Variants in NTN1 observed in about 807,000 individuals in gnomAD.
NTN1 encodes netrin-1.
NTN1 carries 11 observed loss-of-function variants against 54.2 expected under a neutral mutation model. The observed-to-expected ratio is 0.20, with a 90% confidence interval of 0.13 to 0.34. The LOEUF is 0.34. NTN1 is among the 10% of genes least tolerant of loss of function. The pLI is 1.00. For synonymous variants in NTN1, 371 were observed against 382.0 expected, an observed-to-expected ratio of 0.97 and a Z score of 0.33; for missense variants, 740 against 893.1, an observed-to-expected ratio of 0.83 and a Z score of 2.18.
upstream of NTN1, among the ~76,000 whole-genome samples, chr17:9,017,681 C>T (rs1173499289): frequency 3.3e-5 from 5 of 152,216 alleles, no homozygotes; most frequent in Non-Finnish European, 7.3e-5. Context: ...GCTTTCTCAC[C>T]CAAAATCTGC....
rs374339498 is a variant in NTN1, at chr17:9,201,442, A to G, written c.1411+18473A>G. 6.6e-5 allele frequency among the ~76,000 whole-genome samples: 10 copies of G among 152,338 alleles called. No individual in the cohort carries two copies. In the South Asian group the frequency reaches 2.1e-3, roughly 32 times the overall value. ...ACCATAAGGCCTGATTTCCAAGGGA[A>G]GAGGAACATGAGACCAGAGGGCTCT... On this transcript the variant is annotated intron_variant, in intron 5 of 6. Transcript: ENST00000173229.
At position 9,135,999 on chromosome 17, in the gene NTN1, C is replaced by T. The variant is rs542706726; in HGVS notation, c.1019-26814C>T. Among the ~76,000 whole-genome samples, 3 of 152,214 alleles carry T rather than the reference C, an allele frequency of 2.0e-5. No individual in the cohort carries two copies. In the East Asian group the frequency reaches 5.8e-4, roughly 29 times the overall value. On this transcript the variant is annotated intron_variant, in intron 2 of 6. Transcript: ENST00000173229. This position sits in a 1 kb window ranked among gnomAD's most constrained non-coding sequence, Gnocchi z 4.4. ...AAACTCGACACCCATCCTCCTCACT[C>T]CCGCCTGGGAAGCTCTAAGCCCATT... is the stretch of plus-strand genomic sequence containing the variant.
At chr17:9,198,631 A>G (rs981430292) in intron 5 of NTN1, among the ~76,000 whole-genome samples, 1 of 152,178 alleles carries the variant, frequency 6.6e-6, no homozygotes, top group East Asian at 1.9e-4. Flanking sequence ...CTGAGGTCCC[A>G]TGTCCTCCCT....
chr17:9,022,544 TGCG>T lies in NTN1; in HGVS notation c.174_176del (p.Ala59del). ...GCCGCTGCATCCCGGACTTTGTCAA[TGCG>T]GCCTTCGGCAAGGACGTGCGCGTGT... On this transcript the variant is annotated inframe_deletion, in exon 2 of 7. Coordinates refer to ENST00000173229, the MANE Select transcript of NTN1 (RefSeq NM_004822.3). 6.4e-7 allele frequency: 1 copy of T among 1,551,064 alleles called. No homozygotes were observed. Among genetic ancestry groups the T allele is most frequent in the Non-Finnish European group, 8.7e-7 (1 of 1,150,520 alleles).
intron 2 of NTN1, among the ~76,000 whole-genome samples, chr17:9,130,006 T>C (rs2092259469): frequency 6.6e-6 from 1 of 152,174 alleles, no homozygotes; most frequent in Admixed American, 6.5e-5. Flanking sequence ...GAGTGGCTTC[T>C]TGTTGGCATG....
upstream of NTN1, among the ~76,000 whole-genome samples, chr17:9,017,624 G>C (rs1015206049): frequency 1.3e-5 from 2 of 152,226 alleles, no homozygotes; most frequent in Admixed American, 6.5e-5. Flanking sequence ...GCCAGGAACG[G>C]TGTTTCCGCC....
chr17:9,162,306 C>T (rs1251631819), intron 2 of NTN1, among the ~76,000 whole-genome samples: 1 of 152,216 alleles, frequency 6.6e-6, no homozygotes, highest in Non-Finnish European at 1.5e-5. Flanking sequence ...TAGACGTTTA[C>T]TTCTCACAGT....
At chr17:9,231,403 C>T (rs997516548) in intron 6 of NTN1, among the ~76,000 whole-genome samples, 2 of 152,242 alleles carry the variant, frequency 1.3e-5, no homozygotes, top group African/African-American at 4.8e-5. Flanking sequence ...TCTGCCCCCA[C>T]CCTGCTGTGG....
At position 9,239,711 on chromosome 17, in the gene NTN1, G is replaced by A. The variant is rs201393437; in HGVS notation, c.1558G>A (p.Val520Met). ...GAAGTTCACGGTGAACATCATCTCC[G>A]TGTATAAGCAGGGCACGAGCCGCAT... ...WWKFTVNIIS[V>M]YKQGTSRIRR... Residue 520 changes from valine to methionine, a missense_variant, in exon 7 of 7, where the codon GTG (valine) becomes ATG (methionine). Val to Met is a conservative substitution (Grantham distance 21, BLOSUM62 1). Transcript: ENST00000173229. The surrounding 1 kb of genome is among the most constrained non-coding windows in gnomAD (Gnocchi z 5.2). 5 of 1,613,628 alleles carry A rather than the reference G, an allele frequency of 3.1e-6. No homozygotes were observed. Among genetic ancestry groups the A allele is most frequent in the Admixed American group, 1.7e-5 (1 of 60,012 alleles).
In NTN1 at chr17:9,221,102, C is replaced by A; in HGVS notation, c.1412-66C>A. 1 of 1,170,704 alleles carries A rather than the reference C, an allele frequency of 8.5e-7. No individual in the cohort carries two copies. Among genetic ancestry groups the A allele is most frequent in the South Asian group, 1.2e-5 (1 of 82,014 alleles). The allele number at this position is 1,170,704 out of a possible 1,614,324, so 72.5% of individuals were successfully genotyped here. A position where few individuals can be genotyped will look rare whatever the true frequency, so the allele number is the denominator to read the frequency against. On this transcript the variant is annotated intron_variant, in intron 5 of 6. Transcript: ENST00000173229. This position sits in a 1 kb window ranked among gnomAD's most constrained non-coding sequence, Gnocchi z 4.5. ...TTTAGGGAGGCGGCCTCCTACTCTG[C>A]CCGCCAGCCTATTCATCGCCAGCCT...
chr17:9,240,875 C>G lies in NTN1; in HGVS notation c.*907C>G, dbSNP rs1025158875. The stretch of plus-strand genomic sequence containing the variant: ...TGGAGGAGGCATCGCAAACGCAAAA[C>G]CTCCCAGAGAGTTTCCTTTTGGAAA... On this transcript the variant is annotated 3_prime_UTR_variant, in exon 7 of 7. Transcript: ENST00000173229. The G allele has an allele frequency of 3.9e-5, 6 of 152,288 alleles. No individual in the cohort carries two copies. Among genetic ancestry groups the G allele is most frequent in the African/African-American group, 1.2e-4 (5 of 41,456 alleles). 9.4% of individuals were successfully genotyped at this position (152,288 alleles called of 1,614,324 possible). A position where few individuals can be genotyped will look rare whatever the true frequency, so the allele number is the denominator to read the frequency against.
chr17:9,030,615 C>T (rs921832893), intron 2 of NTN1, among the ~76,000 whole-genome samples: 7 of 151,718 alleles, frequency 4.6e-5, no homozygotes, highest in Non-Finnish European at 7.4e-5. Flanking sequence ...CGTGGTGGCA[C>T]GTGCCTGTAA....
rs1038221143 is a variant in NTN1 at position 9,219,107 on chromosome 17, G to A, written c.1412-2061G>A. Reference sequence around the variant, plus strand: ...CCCCAGCAGTGGCTTTATTGTGAGCGTCATCTATCCCTGAGCTGGCAAAGA... The same window carrying A: ...CCCCAGCAGTGGCTTTATTGTGAGCATCATCTATCCCTGAGCTGGCAAAGA... On this transcript the variant is annotated intron_variant, in intron 5 of 6. Coordinates refer to ENST00000173229, the MANE Select transcript of NTN1 (RefSeq NM_004822.3). This position sits in a 1 kb window ranked among gnomAD's most constrained non-coding sequence, Gnocchi z 4.5. Among the ~76,000 whole-genome samples the A allele has an allele frequency of 8.5e-5, 13 of 152,168 alleles. No homozygotes were observed. The highest frequency in any genetic ancestry group is 1.9e-4 in the African/African-American group (8 of 41,430).
chr17:9,220,773 C>G (rs948639276), intron 5 of NTN1, among the ~76,000 whole-genome samples: 2 of 152,122 alleles, frequency 1.3e-5, no homozygotes, highest in South Asian at 4.1e-4. Context: ...CAGCGCCTGA[C>G]ACAGACCCAG....
Position 9,022,349 on chromosome 17 carries a change from A to G in NTN1, c.-25A>G. On this transcript the variant is annotated 5_prime_UTR_variant, in exon 2 of 7. Coordinates refer to ENST00000173229, the MANE Select transcript of NTN1 (RefSeq NM_004822.3). ...CAGGCGGACAGATCCTCGGCGCGGCAGGGCCGGGGCAAGCTGGACGCAGCA... is the reference window on the plus strand; with the variant it reads ...CAGGCGGACAGATCCTCGGCGCGGCGGGGCCGGGGCAAGCTGGACGCAGCA... 1.6e-6 allele frequency: 2 copies of G among 1,274,678 alleles called. No individual in the cohort carries two copies. The highest frequency in any genetic ancestry group is 2.9e-5 in the South Asian group (1 of 33,992). 79.0% of individuals were successfully genotyped at this position (1,274,678 alleles called of 1,614,324 possible).
At chr17:9,118,729 A>G (rs944024655) in intron 2 of NTN1, among the ~76,000 whole-genome samples, 2 of 152,218 alleles carry the variant, frequency 1.3e-5, no homozygotes, top group Non-Finnish European at 2.9e-5. Flanking sequence ...TTTCATAGAA[A>G]TGAAATCATA....
chr17:9,106,858 CCAT>C (rs56280087), intron 2 of NTN1, among the ~76,000 whole-genome samples: 120,683 of 151,400 alleles, frequency 0.8, 48,712 homozygotes, highest in East Asian at 0.96. Context: ...TTCGCCGTCA[CCAT>C]CATCATCATC....
At chr17:9,168,260 C>T (rs1265105214) in intron 3 of NTN1, among the ~76,000 whole-genome samples, 1 of 152,178 alleles carries the variant, frequency 6.6e-6, no homozygotes, top group African/African-American at 2.4e-5. Context: ...TGGCCGGGCA[C>T]GGTGGCTCAT....
intron 2 of NTN1, among the ~76,000 whole-genome samples, chr17:9,117,477 C>T (rs919678074): frequency 2.6e-5 from 4 of 152,134 alleles, no homozygotes; most frequent in South Asian, 2.1e-4. Context: ...TCATGTGGGC[C>T]GGGTGCGGTG....
Sources: gnomAD v4.1 joint callset for allele counts (sites outside exome capture counted in the v4.1 genomes callset) on GRCh38, gnomAD v4.1.1 for gene constraint, Gnocchi (gnomAD v3.1) non-coding constraint, MANE v1.5 for transcripts, NCBI Gene and HGNC (gene_info 2026-07-23, HGNC 2026-07-21) for gene names.